Variants in GLS observed in about 807,000 individuals in gnomAD.
GLS encodes glutaminase, also known as glutaminase kidney isoform, mitochondrial.
A neutral mutation model predicts 86.7 loss-of-function variants in GLS; 36 were observed. The ratio of observed to expected loss-of-function variants is 0.42; its 90% CI spans 0.32 to 0.55. The LOEUF is 0.55. Ranked by LOEUF, GLS falls within the 20% of genes least tolerant of loss-of-function variation. The pLI is 0.17. For synonymous variants in GLS, 317 were observed against 305.9 expected (o/e 1.04, Z -0.38); for missense variants, 528 against 833.4 (o/e 0.63, Z 4.51).
Position 190,901,985 on chromosome 2 carries a change from C to G in GLS, c.774C>G (p.Pro258=), listed in dbSNP as rs779464277. ...TTCCTCAACTGGCCAAATTCAGTCC[C>G]GATTTGTGGGGTGTGTCTGTTTGTA... ...DYIPQLAKFS[P]DLWGVSVCTV... is the part of the protein sequence containing the mutation. The change falls in exon 5 of 18, where the codon CCC becomes CCG. Residue 258 remains proline, a synonymous_variant. Transcript: ENST00000320717. The G allele has an allele frequency of 2.5e-6, 4 of 1,611,804 alleles. No individual in the cohort carries two copies. Among genetic ancestry groups the G allele is most frequent in the Non-Finnish European group, 3.4e-6 (4 of 1,178,216 alleles).
At chr2:190,934,629 T>A in intron 14 of GLS, 3 of 984,370 alleles carry the variant, frequency 3.0e-6, no homozygotes, top group Middle Eastern at 5.2e-4. Flanking sequence ...TCTAAATTGT[T>A]ACATTTTACC....
intron 17 of GLS, among the ~76,000 whole-genome samples, chr2:190,960,531 A>ATTTG (rs1449086733): frequency 9.7e-6 from 1 of 102,698 alleles, no homozygotes; most frequent in Non-Finnish European, 2.2e-5. Flanking sequence ...TGCCTGGCTA[A>ATTTG]TTTATTTATT....
intron 1 of GLS, among the ~76,000 whole-genome samples, chr2:190,894,554 A>T (rs1688665669): frequency 6.6e-6 from 1 of 152,144 alleles, no homozygotes; most frequent in Admixed American, 6.5e-5. Context: ...TGAGGGAGGC[A>T]CTGTTTTATT....
chr2:190,929,675 G>T (rs1260049487), intron 12 of GLS, among the ~76,000 whole-genome samples: 1 of 151,894 alleles, frequency 6.6e-6, no homozygotes, highest in Non-Finnish European at 1.5e-5. Context: ...TTGCCATGTT[G>T]CCCAGGGTGG....
chr2:190,932,738 A>G lies in GLS; in HGVS notation c.1650+1101A>G, dbSNP rs772774171. The G allele has an allele frequency of 1.2e-5, 20 of 1,601,776 alleles. No individual in the cohort carries two copies. The Admixed American group carries it at 2.0e-4, about 16-fold the overall frequency. On this transcript the variant is annotated intron_variant, in intron 14 of 17. Transcript: ENST00000320717. The stretch of plus-strand genomic sequence containing the variant: ...TAGCATTCCTTTGGACCATTGGACT[A>G]TGAAAGTCTCCAACAAGAACTTGCT...
At chr2:190,945,486 C>T (rs1036146603) in intron 14 of GLS, among the ~76,000 whole-genome samples, 2 of 151,510 alleles carry the variant, frequency 1.3e-5, no homozygotes, top group African/African-American at 2.4e-5. Flanking sequence ...CATAGTGAGA[C>T]CCCGTCTCTA....
At chr2:190,900,780 T>G (rs1262107627) in intron 4 of GLS, 87 bp downstream of exon 4, 17 of 994,400 alleles carry the variant, frequency 1.7e-5, no homozygotes, top group African/African-American at 4.9e-5. Context: ...ATTGTGTAGT[T>G]GTGTTTTGCT....
chr2:190,927,419 A>G lies in GLS; in HGVS notation c.1362A>G (p.Arg454=). ...GAGTACTGAGCCCTGAAGCAGTTCG[A>G]AATACATTGAGTTTGATGCATTCCT... ...GERVLSPEAV[R]NTLSLMHSCG... Residue 454 remains arginine, a synonymous_variant, in exon 12 of 18, where the codon CGA becomes CGG. Coordinates refer to ENST00000320717, the MANE Select transcript of GLS (RefSeq NM_014905.5). 3 of 1,613,898 alleles carry G rather than the reference A, an allele frequency of 1.9e-6. No homozygotes were observed. The highest frequency in any genetic ancestry group is 2.5e-6 in the Non-Finnish European group (3 of 1,179,836).
At chr2:190,936,885 A>G (rs1690287083) in intron 14 of GLS, among the ~76,000 whole-genome samples, 1 of 151,340 alleles carries the variant, frequency 6.6e-6, no homozygotes, top group Admixed American at 6.6e-5. Flanking sequence ...TTTCTCCTAC[A>G]TGGCCTTGAA....
chr2:190,960,971 TTTA>T (rs1346206365), intron 17 of GLS, among the ~76,000 whole-genome samples: 1 of 152,198 alleles, frequency 6.6e-6, no homozygotes, highest in Non-Finnish European at 1.5e-5. Flanking sequence ...TCCTCCTGTG[TTTA>T]TAATCCCAAC....
In GLS at chr2:190,880,835, G is replaced by C. The variant is rs903303106; in HGVS notation, c.-250G>C. The C allele has an allele frequency of 3.9e-6, 3 of 766,012 alleles. No individual in the cohort carries two copies. The highest frequency in any genetic ancestry group is 3.0e-5 in the East Asian group (1 of 33,312). The allele number at this position is 766,012 out of a possible 1,614,324, so 47.5% of individuals were successfully genotyped here. On this transcript the variant is annotated 5_prime_UTR_variant, in exon 1 of 18. Transcript: ENST00000320717. ...GCTTTAGCCTCAGTGCGGAGCCTTA[G>C]GCGGAGCGAAGAGAACCGGTCGCGG...
chr2:190,928,892 G>GTTT (rs367999647), intron 12 of GLS, among the ~76,000 whole-genome samples: 280 of 12,780 alleles, frequency 0.022, 36 homozygotes, highest in Admixed American at 0.029. Flanking sequence ...ATTCAGGTGT[G>GTTT]TTTTTTTTTT....
At chr2:190,887,546 T>TA (rs1402201606) in intron 1 of GLS, among the ~76,000 whole-genome samples, 1 of 152,186 alleles carries the variant, frequency 6.6e-6, no homozygotes, top group Admixed American at 6.5e-5. Flanking sequence ...TACAGGCTTC[T>TA]AAAAAAGATT....
chr2:190,924,873 C>A lies in GLS; in HGVS notation c.1248+280C>A. 1 of 284,272 alleles carries A rather than the reference C, an allele frequency of 3.5e-6. No individual in the cohort carries two copies. The highest frequency in any genetic ancestry group is 6.7e-6 in the Non-Finnish European group (1 of 149,552). 17.6% of individuals were successfully genotyped at this position (284,272 alleles called of 1,614,324 possible). ...GAGGTTGCAGTGAGCCGAGATCACG[C>A]CACTGCATTCCAGCCTGGCGACACA... On this transcript the variant is annotated intron_variant, in intron 11 of 17. Transcript: ENST00000320717. This position sits in a 1 kb window ranked among gnomAD's most constrained non-coding sequence, Gnocchi z 5.2.
chr2:190,939,974 T>C (rs1206165414), intron 14 of GLS, among the ~76,000 whole-genome samples: 2 of 151,806 alleles, frequency 1.3e-5, no homozygotes, highest in Non-Finnish European at 3.0e-5. Flanking sequence ...ATTTAAAAAA[T>C]TATATCAAAG....
At chr2:190,937,592 T>C (rs1690308118) in intron 14 of GLS, among the ~76,000 whole-genome samples, 1 of 151,416 alleles carries the variant, frequency 6.6e-6, no homozygotes. Flanking sequence ...GTTTTCTATT[T>C]TATGAACATA....
In GLS at chr2:190,880,868, A is replaced by AGC. The variant is rs1183720414; in HGVS notation, c.-212_-211dup. ...GAAGAGAACCGGTCGCGGCAATCCT[A>AGC]GCGCGCAGCAGCAGCAGCAGCAGCA... On this transcript the variant is annotated 5_prime_UTR_variant, in exon 1 of 18. Coordinates refer to ENST00000320717, the MANE Select transcript of GLS (RefSeq NM_014905.5). 1.3e-6 allele frequency: 1 copy of AGC among 744,510 alleles called. No individual in the cohort carries two copies. The highest frequency in any genetic ancestry group is 2.2e-6 in the Non-Finnish European group (1 of 450,664). The allele number at this position is 744,510 out of a possible 1,614,324, so 46.1% of individuals were successfully genotyped here.
chr2:190,947,722 A>G lies in GLS; in HGVS notation c.1651-5843A>G, dbSNP rs146160007. On this transcript the variant is annotated intron_variant, in intron 14 of 17. Transcript: ENST00000320717. This position sits in a 1 kb window ranked among gnomAD's most constrained non-coding sequence, Gnocchi z 5.0. Reference sequence around the variant, plus strand: ...CTCCTTGACAGGTATTTTAAAATCAATGTAACTCAAGTATCCAGTGGGGAA... The same window carrying G: ...CTCCTTGACAGGTATTTTAAAATCAGTGTAACTCAAGTATCCAGTGGGGAA... 6.6e-5 allele frequency among the ~76,000 whole-genome samples: 10 copies of G among 152,314 alleles called. No homozygotes were observed. The highest frequency in any genetic ancestry group is 2.1e-4 in the South Asian group (1 of 4,830).
At position 190,962,742 on chromosome 2, in the gene GLS, A is replaced by G; in HGVS notation, c.1854-88A>G. ...TAAAATAGCTAAATTTGGCCATTTA[A>G]CCTGCATTTAAAATCTAGGAATGTG... On this transcript the variant is annotated intron_variant, in intron 17 of 17. Transcript: ENST00000320717. This position sits in a 1 kb window ranked among gnomAD's most constrained non-coding sequence, Gnocchi z 4.2. 1.2e-6 allele frequency: 1 copy of G among 823,200 alleles called. No individual in the cohort carries two copies. Among genetic ancestry groups the G allele is most frequent in the Non-Finnish European group, 1.7e-6 (1 of 575,270 alleles). The allele number at this position is 823,200 out of a possible 1,614,324, so 51.0% of individuals were successfully genotyped here.
Sources: allele counts gnomAD v4.1 joint callset (sites outside exome capture counted in the v4.1 genomes callset), GRCh38; gene constraint gnomAD v4.1.1; non-coding constraint Gnocchi (gnomAD v3.1); transcripts MANE v1.5; gene names NCBI Gene and HGNC (gene_info 2026-07-23, HGNC 2026-07-21).